ODAD2: variants seen among roughly 807,000 people sequenced by gnomAD.
ODAD2 encodes the protein outer dynein arm-docking complex subunit 2.
In ODAD2, 89 loss-of-function variants were observed where a neutral mutation model predicts 106.8. The observed-to-expected ratio is 0.83, with a 90% confidence interval of 0.70 to 0.99. The LOEUF (loss-of-function observed/expected upper bound fraction) is 0.99. Among genes scored for constraint, ODAD2 ranks in the 50% least tolerant of loss-of-function variants. The pLI, the probability that ODAD2 is intolerant of heterozygous loss-of-function variation, is 0.00. For synonymous variants in ODAD2, 404 were observed against 436.2 expected, an observed-to-expected ratio of 0.93 and a Z score of 0.92; for missense variants, 1,168 against 1,238.5, an observed-to-expected ratio of 0.94 and a Z score of 0.85.
At chr10:27,986,926 G>A (rs1849907965) in intron 3 of ODAD2, among the ~76,000 whole-genome samples, 2 of 152,346 alleles carry the variant, frequency 1.3e-5, no homozygotes, top group African/African-American at 4.8e-5. Flanking sequence ...GACTATTAAA[G>A]GCTGTCTCTG....
intron 16 of ODAD2, among the ~76,000 whole-genome samples, chr10:27,928,833 G>A (rs1845429511): frequency 6.6e-6 from 1 of 152,022 alleles, no homozygotes; most frequent in Admixed American, 6.6e-5. Flanking sequence ...CTTATTATAT[G>A]TCAGTCACTT....
Position 27,930,358 on chromosome 10 carries a change from CA to C in ODAD2, c.2495+4651del, listed in dbSNP as rs1564515371. Reference sequence around the variant, plus strand: ...GCAGGAGCTTAAGAACCTGTCTTTACAAAAAAATTTTTTGAAAACAATTAGC... The same window carrying C: ...GCAGGAGCTTAAGAACCTGTCTTTACAAAAAATTTTTTGAAAACAATTAGC... On this transcript the variant is annotated intron_variant, in intron 16 of 19. Transcript: ENST00000305242. 3.9e-5 allele frequency among the ~76,000 whole-genome samples: 6 copies of C among 152,020 alleles called. No individual in the cohort carries two copies. The South Asian group carries it at 1.2e-3, about 32-fold the overall frequency.
rs370110172 is a variant in ODAD2, at chr10:27,971,231, C to T, written c.1019G>A (p.Arg340His). The change falls in exon 8 of 20, where the codon CGC (arginine) becomes CAC (histidine). Residue 340 changes from arginine to histidine, a missense_variant. Arg to His is a conservative substitution (Grantham distance 29). Around this residue, in one of 3 missense-constraint regions of ODAD2, gnomAD observed 430 missense variants for 452.2 expected, o/e 0.95. Transcript: ENST00000305242. ...APKKEEAAAL[R>H]KDISGSDKRS... ...TTTGTCTGAACCAGAAATGTCTTTGCGGAGGGCAGCTGCTTCTTCCTTCTT... is the reference window on the plus strand; with the variant it reads ...TTTGTCTGAACCAGAAATGTCTTTGTGGAGGGCAGCTGCTTCTTCCTTCTT... 2.0e-5 allele frequency: 33 copies of T among 1,613,680 alleles called. No individual in the cohort carries two copies. The highest frequency in any genetic ancestry group is 2.7e-5 in the African/African-American group (2 of 74,888).
chr10:27,882,173 AAAAGAAAGAAAG>A lies in ODAD2; in HGVS notation c.2611-19563_2611-19552del, dbSNP rs377482668. Reference sequence around the variant, plus strand: ...ACAGAGTGAGACCTTGTCATAAAAAAAAAGAAAGAAAGAAAGAAAGAAAGAAAGAAAGAAAGA... The same window carrying A: ...ACAGAGTGAGACCTTGTCATAAAAAAAAAGAAAGAAAGAAAGAAAGAAAGA... On this transcript the variant is annotated intron_variant, in intron 17 of 19. Transcript: ENST00000305242. Among the ~76,000 whole-genome samples, 751 of 109,748 alleles carry A rather than the reference AAAAGAAAGAAAG, an allele frequency of 6.8e-3. 5 individuals are homozygous for A. Among genetic ancestry groups the A allele is most frequent in the South Asian group, 0.01 (30 of 2,906 alleles). 72.0% of individuals were successfully genotyped at this position (109,748 alleles called of 152,430 possible). A position where few individuals can be genotyped will look rare whatever the true frequency, so the allele number is the denominator to read the frequency against.
At chr10:27,939,737 C>T (rs1250901014) in intron 14 of ODAD2, among the ~76,000 whole-genome samples, 160 bp downstream of exon 14, 1 of 151,620 alleles carries the variant, frequency 6.6e-6, no homozygotes, top group African/African-American at 2.4e-5. Context: ...GACCCTATCT[C>T]TAAAAAAATA....
intron 19 of ODAD2, among the ~76,000 whole-genome samples, chr10:27,834,164 A>G (rs1837689926): frequency 6.6e-6 from 1 of 152,254 alleles, no homozygotes. Flanking sequence ...ATTTGAGTCC[A>G]GGATAAACTG....
intron 19 of ODAD2, among the ~76,000 whole-genome samples, chr10:27,848,328 T>C (rs1482944619): frequency 6.6e-6 from 1 of 152,210 alleles, no homozygotes; most frequent in African/African-American, 2.4e-5. Context: ...GGGGAAGGAT[T>C]CCCTATTTAA....
intron 19 of ODAD2, among the ~76,000 whole-genome samples, chr10:27,825,935 G>A (rs571347275): frequency 6.6e-6 from 1 of 152,258 alleles, no homozygotes; most frequent in African/African-American, 2.4e-5. Context: ...CATCCTCATA[G>A]AAAACAAACA....
intron 2 of ODAD2, among the ~76,000 whole-genome samples, chr10:27,992,813 G>A (rs553738773): frequency 6.6e-6 from 1 of 152,314 alleles, no homozygotes; most frequent in Middle Eastern, 3.4e-3. Context: ...CACCTAACTA[G>A]GGGTCAGATG....
chr10:27,909,022 T>C (rs1343714985), intron 16 of ODAD2, among the ~76,000 whole-genome samples: 1 of 152,200 alleles, frequency 6.6e-6, no homozygotes, highest in East Asian at 1.9e-4. Context: ...TCTCAATTAA[T>C]GGAAACTCTA....
At chr10:27,874,903 C>T (rs1335034399) in intron 17 of ODAD2, among the ~76,000 whole-genome samples, 1 of 152,060 alleles carries the variant, frequency 6.6e-6, no homozygotes, top group African/African-American at 2.4e-5. Flanking sequence ...TGTTGGCCTG[C>T]CTTGCTAGGT....
In ODAD2 at chr10:27,942,446, AG is replaced by A. The variant is rs369080078; in HGVS notation, c.1744-1642del. ...TTCTTGTTTATATCAGTTAGTCTAT[AG>A]GAAAACTGGTTTTGTTACATGTTGT... On this transcript the variant is annotated intron_variant, in intron 12 of 19. Coordinates refer to ENST00000305242, the MANE Select transcript of ODAD2 (RefSeq NM_018076.5). 2.4e-3 allele frequency among the ~76,000 whole-genome samples: 368 copies of A among 152,334 alleles called. 5 individuals carry two copies. The highest frequency in any genetic ancestry group is 8.2e-3 in the African/African-American group (340 of 41,578).
chr10:27,858,276 C>T (rs1377736707), intron 19 of ODAD2, among the ~76,000 whole-genome samples: 1 of 152,102 alleles, frequency 6.6e-6, no homozygotes, highest in African/African-American at 2.4e-5. Context: ...CCCCCATGAC[C>T]CCACAAGTTC....
chr10:27,870,368 A>G (rs1046673260), intron 17 of ODAD2, among the ~76,000 whole-genome samples: 1 of 152,128 alleles, frequency 6.6e-6, no homozygotes, highest in African/African-American at 2.4e-5. Flanking sequence ...TATTATTATT[A>G]TCACACTTTA....
intron 17 of ODAD2, among the ~76,000 whole-genome samples, chr10:27,879,635 T>A (rs1366423954): frequency 6.6e-6 from 1 of 152,134 alleles, no homozygotes. Flanking sequence ...TATGATGTAT[T>A]ATACTCCAAA....
At chr10:27,914,541 T>C (rs568786887) in intron 16 of ODAD2, among the ~76,000 whole-genome samples, 70 of 152,280 alleles carry the variant, frequency 4.6e-4, no homozygotes, top group African/African-American at 1.5e-3. Flanking sequence ...TTTTCTTTCA[T>C]TAACTAGAGC....
chr10:27,923,952 A>G (rs563642568), intron 16 of ODAD2, among the ~76,000 whole-genome samples: 9 of 65,488 alleles, frequency 1.4e-4, no homozygotes, highest in South Asian at 5.9e-4. Context: ...TAATGAAAGA[A>G]AGAAAGAAAG....
At chr10:27,860,964 A>G in intron 18 of ODAD2, 118 bp from the exon 19 acceptor site, 1 of 824,926 alleles carries the variant, frequency 1.2e-6, no homozygotes, top group Non-Finnish European at 1.9e-6. Context: ...GAAAAGGGCT[A>G]GCTGGCTGAC....
At position 27,924,013 on chromosome 10, in the gene ODAD2, A is replaced by AGAAAGAAAGAAAGG. The variant is rs1564509365; in HGVS notation, c.2495+10996_2495+10997insCCTTTCTTTCTTTC. ...AAGAAAGAAAGAAAGAAAGAAAGAAAGAAAGAAAGAAGGAAAGAGAAAGAA... is the reference window on the plus strand; with the variant it reads ...AAGAAAGAAAGAAAGAAAGAAAGAAAGAAAGAAAGAAAGGGAAAGAAAGAAGGAAAGAGAAAGAA... On this transcript the variant is annotated intron_variant, in intron 16 of 19. Coordinates refer to ENST00000305242, the MANE Select transcript of ODAD2 (RefSeq NM_018076.5). 1.6e-3 allele frequency among the ~76,000 whole-genome samples: 177 copies of AGAAAGAAAGAAAGG among 109,700 alleles called. 8 individuals carry two copies. Among genetic ancestry groups the AGAAAGAAAGAAAGG allele is most frequent in the East Asian group, 0.011 (42 of 3,654 alleles). 72.0% of individuals were successfully genotyped at this position (109,700 alleles called of 152,430 possible). A position where few individuals can be genotyped will look rare whatever the true frequency, so the allele number is the denominator to read the frequency against.
Sources: gnomAD v4.1 joint callset for allele counts (sites outside exome capture counted in the v4.1 genomes callset) on GRCh38, gnomAD v4.1.1 for gene constraint, gnomAD v4.1.1 regional missense constraint, MANE v1.5 for transcripts, NCBI Gene and HGNC (gene_info 2026-07-23, HGNC 2026-07-21) for gene names.